ATG7: variants seen among roughly 807,000 people sequenced by gnomAD.
The protein encoded by ATG7 is autophagy related 7.
ATG7 carries 70 observed loss-of-function variants against 82.4 expected under a neutral mutation model. The observed-to-expected ratio is 0.85, with a 90% CI of 0.70 to 1.04. ATG7 has a LOEUF of 1.04. ATG7 is among the 50% of genes least tolerant of loss of function. The pLI is 0.00. For missense variants in ATG7, 792 were observed against 864.3 expected, an observed-to-expected ratio of 0.92 and a Z score of 1.05; for synonymous variants, 287 against 313.0, an observed-to-expected ratio of 0.92 and a Z score of 0.88.
chr3:11,542,972 G>C (rs2070958731), intron 20 of ATG7, among the ~76,000 whole-genome samples: 1 of 152,166 alleles, frequency 6.6e-6, no homozygotes, highest in South Asian at 2.1e-4. Context: ...GGGATGGAAT[G>C]CCTCTGGAGG....
At chr3:11,364,761 A>T (rs1290028552) in intron 18 of ATG7, 27 bp downstream of exon 18, 1 of 1,611,644 alleles carries the variant, frequency 6.2e-7, no homozygotes, top group African/African-American at 1.3e-5. Flanking sequence ...TGAAATCACA[A>T]TTCTTTTGGT....
At chr3:11,415,967 C>G (rs979528369) in intron 19 of ATG7, among the ~76,000 whole-genome samples, 9 of 152,090 alleles carry the variant, frequency 5.9e-5, no homozygotes, top group Non-Finnish European at 8.8e-5. Context: ...AATGTTGTTG[C>G]ACTATGACAT....
chr3:11,300,382 T>G (rs903305772), intron 5 of ATG7, among the ~76,000 whole-genome samples: 1 of 152,062 alleles, frequency 6.6e-6, no homozygotes, highest in African/African-American at 2.4e-5. Context: ...CTGGCCAAAT[T>G]TAGAAAGCAG....
chr3:11,374,671 C>G (rs145252780), intron 18 of ATG7, among the ~76,000 whole-genome samples: 5,142 of 151,952 alleles, frequency 0.034, 130 homozygotes, highest in Non-Finnish European at 0.054. Flanking sequence ...TTTGGGAGTC[C>G]GAGGCGGGCA....
chr3:11,347,778 C>T, intron 13 of ATG7, 99 bp from the exon 14 acceptor site: 3 of 1,321,810 alleles, frequency 2.3e-6, no homozygotes, highest in Non-Finnish European at 3.0e-6. Flanking sequence ...TTTGAGGTTC[C>T]CAAGCTTCTC....
At chr3:11,355,540 A>AG (rs1000404593) in intron 14 of ATG7, among the ~76,000 whole-genome samples, 23 of 152,314 alleles carry the variant, frequency 1.5e-4, no homozygotes, top group African/African-American at 5.3e-4. Context: ...CTTGTTTTTA[A>AG]GGGGGAAAAA....
At chr3:11,283,363 A>G (rs1478248781) in intron 3 of ATG7, among the ~76,000 whole-genome samples, 2 of 152,160 alleles carry the variant, frequency 1.3e-5, no homozygotes, top group East Asian at 1.9e-4. Flanking sequence ...AGCAGCTACC[A>G]TTTATTGACT....
chr3:11,368,107 C>A (rs945979387), intron 18 of ATG7, among the ~76,000 whole-genome samples: 4 of 151,302 alleles, frequency 2.6e-5, no homozygotes, highest in African/African-American at 4.9e-5. Context: ...TTTTGAACTT[C>A]TGTAAATGAA....
At chr3:11,558,816 A>G (rs1409673798), downstream of ATG7, 1 of 1,610,744 alleles carries the variant, frequency 6.2e-7, no homozygotes, top group African/African-American at 1.3e-5. Flanking sequence ...ACGGGGTCAC[A>G]GGTGGTGGCA....
intron 1 of ATG7, among the ~76,000 whole-genome samples, chr3:11,272,939 C>CTAA (rs1238659424): frequency 2.0e-5 from 3 of 152,174 alleles, no homozygotes; most frequent in Admixed American, 2.0e-4. Flanking sequence ...GGGTTAGAAA[C>CTAA]TAATGCACAA....
intron 14 of ATG7, among the ~76,000 whole-genome samples, chr3:11,355,504 C>G (rs780925345): frequency 3.9e-5 from 6 of 152,184 alleles, no homozygotes; most frequent in African/African-American, 1.4e-4. Flanking sequence ...ATGAACAACT[C>G]CTACCACTCA....
intron 19 of ATG7, among the ~76,000 whole-genome samples, chr3:11,414,771 G>T (rs1426968177): frequency 2.0e-5 from 3 of 152,112 alleles, no homozygotes; most frequent in Non-Finnish European, 4.4e-5. Context: ...TGTCATAAAT[G>T]ACTGTTCAAT....
At chr3:11,405,904 G>A (rs146054644) in intron 19 of ATG7, among the ~76,000 whole-genome samples, 42 of 152,192 alleles carry the variant, frequency 2.8e-4, no homozygotes. Context: ...TAGGCATGAT[G>A]CCTGTAATCC....
intron 18 of ATG7, 96 bp from the exon 19 acceptor site, chr3:11,379,876 A>C: frequency 1.6e-6 from 2 of 1,218,250 alleles, no homozygotes; most frequent in Non-Finnish European, 2.4e-6. Context: ...CCGCCATATT[A>C]ATCATTTCCT....
the ATG7 span, among the ~76,000 whole-genome samples, chr3:11,573,367 G>C: frequency 7.4e-6 from 1 of 134,814 alleles, no homozygotes; most frequent in African/African-American, 2.7e-5. Context: ...AAGAAAGAAA[G>C]AAAGAAAGAA....
At chr3:11,301,178 A>C (rs1946725010) in intron 5 of ATG7, among the ~76,000 whole-genome samples, 1 of 152,092 alleles carries the variant, frequency 6.6e-6, no homozygotes, top group South Asian at 2.1e-4. Flanking sequence ...AGAAGCACAG[A>C]GGTCAATGCG....
chr3:11,479,997 G>A (rs1024422827), intron 20 of ATG7, among the ~76,000 whole-genome samples: 3 of 151,212 alleles, frequency 2.0e-5, no homozygotes, highest in Admixed American at 2.0e-4. Flanking sequence ...GCACAATCTC[G>A]GCTTACTGCA....
chr3:11,290,105 A>G (rs558364584), intron 3 of ATG7, among the ~76,000 whole-genome samples: 11 of 152,174 alleles, frequency 7.2e-5, no homozygotes, highest in Non-Finnish European at 1.5e-4. Context: ...CTCCCCTCCA[A>G]TTAGTGTTCC....
At chr3:11,466,295 C>T (rs758969323) in intron 20 of ATG7, among the ~76,000 whole-genome samples, 10 of 152,202 alleles carry the variant, frequency 6.6e-5, no homozygotes, top group Non-Finnish European at 1.3e-4. Flanking sequence ...TGTTTTTCCC[C>T]TCTTAATTTT....
Sources: allele counts gnomAD v4.1 joint callset (sites outside exome capture counted in the v4.1 genomes callset), GRCh38; gene constraint gnomAD v4.1.1; transcripts MANE v1.5; gene names NCBI Gene and HGNC (gene_info 2026-07-23, HGNC 2026-07-21).